The following ADGRV1 variants were observed in gnomAD, a reference collection of about 807,000 sequenced individuals.
ADGRV1 encodes adhesion G protein-coupled receptor V1.
Under a neutral mutation model 596.2 loss-of-function variants are expected in ADGRV1, and 359 were observed. That is an observed-to-expected ratio of 0.60 (90% CI 0.55 to 0.66). ADGRV1 has a LOEUF of 0.66. Among genes scored for constraint, ADGRV1 ranks in the 30% least tolerant of loss-of-function variants. The pLI is 0.00. For missense variants in ADGRV1, 7,274 were observed against 7,575.6 expected, an observed-to-expected ratio of 0.96 and a Z score of 1.48; for synonymous variants, 2,681 against 2,679.2, an observed-to-expected ratio of 1.00 and a Z score of -0.02.
rs1342647932 is a variant in ADGRV1, at chr5:90,975,910, A to T, written c.17974-9434A>T. ...TCTACTTTAAGAAAAATTGACAGTAAGAATTTAAAATCTTGCAGTATCTTT... is the reference window on the plus strand; with the variant it reads ...TCTACTTTAAGAAAAATTGACAGTATGAATTTAAAATCTTGCAGTATCTTT... On this transcript the variant is annotated intron_variant, in intron 84 of 89. Transcript: ENST00000405460. Among the ~76,000 whole-genome samples the T allele has an allele frequency of 3.3e-5, 5 of 152,210 alleles. No individual in the cohort carries two copies. In the East Asian group the frequency reaches 9.6e-4, roughly 29 times the overall value.
chr5:90,596,199 G>A (rs1251828292), intron 1 of ADGRV1, among the ~76,000 whole-genome samples: 2 of 148,652 alleles, frequency 1.3e-5, no homozygotes, highest in African/African-American at 2.5e-5. Flanking sequence ...ATGGGCGGCC[G>A]GGCAGAGACG....
At chr5:90,873,861 G>GT (rs1317056278) in intron 83 of ADGRV1, among the ~76,000 whole-genome samples, 1 of 151,368 alleles carries the variant, frequency 6.6e-6, no homozygotes, top group African/African-American at 2.4e-5. Flanking sequence ...TCTACTGTCT[G>GT]TTTTTTGGGT....
chr5:90,811,128 G>A lies in ADGRV1; in HGVS notation c.15868G>A (p.Glu5290Lys). 2.5e-6 allele frequency: 4 copies of A among 1,613,804 alleles called. No individual in the cohort carries two copies. The highest frequency in any genetic ancestry group is 3.4e-6 in the Non-Finnish European group (4 of 1,179,780). Residue 5290 changes from glutamate (E) to lysine (K), a missense_variant, in exon 74 of 90, where the codon GAA becomes AAA. This residue lies in a region of ADGRV1 where 1,874 missense variants were observed against 1,970.2 expected (regional missense o/e 0.95). Coordinates refer to ENST00000405460, the MANE Select transcript of ADGRV1 (RefSeq NM_032119.4). Reference protein sequence around the residue: ...YGISNLTWAVEEEDFEEQTLT... With the variant: ...YGISNLTWAVKEEDFEEQTLT... ...GATTTCCAACCTAACATGGGCAGTTGAAGAAGAAGACTTTGAAGAACAAAC... is the reference window on the plus strand; with the variant it reads ...GATTTCCAACCTAACATGGGCAGTTAAAGAAGAAGACTTTGAAGAACAAAC...
At position 90,791,227 on chromosome 5, in the gene ADGRV1, G is replaced by C. The variant is rs1315720520; in HGVS notation, c.14398G>C (p.Gly4800Arg). Reference sequence around the variant, plus strand: ...TGGAACATTTGGAGATGTGGCTGTTGGGCTTCGAATATCATCGGATCATAA... The same window carrying C: ...TGGAACATTTGGAGATGTGGCTGTTCGGCTTCGAATATCATCGGATCATAA... ...LAGTFGDVAV[G>R]LRISSDHKEQ... is the part of the protein sequence containing the mutation. Residue 4800 changes from glycine to arginine, a missense_variant, in exon 70 of 90, where the codon GGG becomes CGG. By Grantham distance (125) the Gly-to-Arg change is moderately radical (BLOSUM62 -2). Around this residue, in one of 5 missense-constraint regions of ADGRV1, gnomAD observed 1,874 missense variants for 1,970.2 expected, o/e 0.95. Transcript: ENST00000405460. 1.2e-6 allele frequency: 2 copies of C among 1,613,532 alleles called. No individual in the cohort carries two copies. The highest frequency in any genetic ancestry group is 2.7e-5 in the African/African-American group (2 of 75,014).
chr5:90,985,248 C>A, intron 84 of ADGRV1, 96 bp from the exon 85 acceptor site: 1 of 685,126 alleles, frequency 1.5e-6, no homozygotes, highest in South Asian at 4.1e-5. Context: ...TAGATCCTGG[C>A]CTTTTGTTGG....
chr5:90,818,225 T>A (rs1763106897), intron 75 of ADGRV1, among the ~76,000 whole-genome samples: 1 of 151,920 alleles, frequency 6.6e-6, no homozygotes, highest in East Asian at 1.9e-4. Flanking sequence ...TGTCTGTTGT[T>A]GGTGTGTAAG....
intron 28 of ADGRV1, 89 bp from the exon 29 acceptor site, chr5:90,685,691 G>A: frequency 1.4e-6 from 1 of 696,118 alleles, no homozygotes; most frequent in Non-Finnish European, 2.3e-6. Flanking sequence ...TTGGCTGATG[G>A]AATCTTGCTG....
Position 90,720,228 on chromosome 5 carries a change from A to G in ADGRV1, c.9623+5A>G. Reference sequence around the variant, plus strand: ...TATCTCTGCAGTTGAAAATAGGTATAGTTTATTCATAAGGAAATTATCACT... The same window carrying G: ...TATCTCTGCAGTTGAAAATAGGTATGGTTTATTCATAAGGAAATTATCACT... On this transcript the variant is annotated splice_donor_5th_base_variant and intron_variant, in intron 44 of 89. Coordinates refer to ENST00000405460, the MANE Select transcript of ADGRV1 (RefSeq NM_032119.4). 3 of 1,512,088 alleles carry G rather than the reference A, an allele frequency of 2.0e-6. No individual in the cohort carries two copies. Among genetic ancestry groups the G allele is most frequent in the Non-Finnish European group, 2.7e-6 (3 of 1,125,290 alleles). 93.7% of individuals were successfully genotyped at this position (1,512,088 alleles called of 1,614,324 possible). A position where few individuals can be genotyped will look rare whatever the true frequency, so the allele number is the denominator to read the frequency against.
Position 90,711,303 on chromosome 5 carries a change from A to G in ADGRV1, c.9023A>G (p.Asp3008Gly), listed in dbSNP as rs1018729209. Residue 3008 changes from aspartate to glycine, a missense_variant, in exon 41 of 90, where the codon GAT becomes GGT. Physicochemically the swap from Asp to Gly is moderately conservative, Grantham distance 94. This residue lies in a region of ADGRV1 where 3,643 missense variants were observed against 3,809.2 expected (regional missense o/e 0.96). Coordinates refer to ENST00000405460, the MANE Select transcript of ADGRV1 (RefSeq NM_032119.4). ...AATTTGGAAGCACAAGTGGGGCTGG[A>G]TTATATCTTCACCCCAATGGTGGGT... is the stretch of plus-strand genomic sequence containing the variant. ...AQNLEAQVGLDYIFTPMILHF... is the reference protein window; with the variant it reads ...AQNLEAQVGLGYIFTPMILHF... The G allele has an allele frequency of 6.2e-7, 1 of 1,610,880 alleles. No homozygotes were observed. Among genetic ancestry groups the G allele is most frequent in the Non-Finnish European group, 8.5e-7 (1 of 1,178,638 alleles).
intron 83 of ADGRV1, among the ~76,000 whole-genome samples, chr5:90,870,741 T>C (rs1768589730): frequency 6.6e-6 from 1 of 152,076 alleles, no homozygotes; most frequent in African/African-American, 2.4e-5. Flanking sequence ...TGATCATAGG[T>C]TTGCTGCAGG....
At position 90,840,689 on chromosome 5, in the gene ADGRV1, A is replaced by G. The variant is rs778120079; in HGVS notation, c.16723A>G (p.Thr5575Ala). 6.2e-7 allele frequency: 1 copy of G among 1,614,030 alleles called. No individual in the cohort carries two copies. The highest frequency in any genetic ancestry group is 1.7e-5 in the Admixed American group (1 of 60,020). Reference sequence around the variant, plus strand: ...GGTCTTTGAACCTGGCCAGAGAAGCACTGTATTGGATGTCATCCTAACGCC... The same window carrying G: ...GGTCTTTGAACCTGGCCAGAGAAGCGCTGTATTGGATGTCATCCTAACGCC... ...TLVFEPGQRS[T>A]VLDVILTPET... Residue 5575 changes from threonine (T) to alanine (A), a missense_variant, in exon 78 of 90, where the codon ACT becomes GCT. Thr to Ala is a moderately conservative substitution (Grantham distance 58). Around this residue, in one of 5 missense-constraint regions of ADGRV1, gnomAD observed 1,874 missense variants for 1,970.2 expected, o/e 0.95. Coordinates refer to ENST00000405460, the MANE Select transcript of ADGRV1 (RefSeq NM_032119.4).
intron 9 of ADGRV1, chr5:90,630,217 T>G (rs1765321941): frequency 6.6e-6 from 1 of 152,198 alleles, no homozygotes; most frequent in Non-Finnish European, 1.5e-5. Flanking sequence ...CAGGCTGGTC[T>G]TAAACTCCTG....
Position 90,807,708 on chromosome 5 carries a change from G to C in ADGRV1, c.14943G>C (p.Gln4981His), listed in dbSNP as rs200153555. ...EAFVLHLSGV[Q>H]SSAPGGAQLR... The stretch of plus-strand genomic sequence containing the variant: ...TTGTTCTTCACCTATCAGGAGTGCA[G>C]AGCAGTGCTCCTGGCGGAGCTCAAC... Residue 4981 changes from glutamine to histidine, a missense_variant, in exon 73 of 90, where the codon CAG (glutamine) becomes CAC (histidine). Physicochemically the swap from Gln to His is conservative, Grantham distance 24. Transcript: ENST00000405460. 3.3e-4 allele frequency: 528 copies of C among 1,587,746 alleles called. 2 individuals are homozygous for C. In the African/African-American group the frequency reaches 6.4e-3, roughly 19 times the overall value.
At chr5:90,976,682 T>A (rs922578310) in intron 84 of ADGRV1, among the ~76,000 whole-genome samples, 3 of 152,084 alleles carry the variant, frequency 2.0e-5, no homozygotes, top group African/African-American at 7.2e-5. Context: ...TATTCATATA[T>A]GATATAGGTA....
rs558843030 is a variant in ADGRV1, at chr5:90,684,082, G to T, written c.6161G>T (p.Ser2054Ile). 1.9e-6 allele frequency: 3 copies of T among 1,613,982 alleles called. No individual in the cohort carries two copies. Among genetic ancestry groups the T allele is most frequent in the Non-Finnish European group, 2.5e-6 (3 of 1,179,880 alleles). Residue 2054 changes from serine (S) to isoleucine (I), a missense_variant, in exon 28 of 90, where the codon AGT (serine) becomes ATT (isoleucine). By Grantham distance (142) the Ser-to-Ile change is moderately radical (BLOSUM62 -2). Coordinates refer to ENST00000405460, the MANE Select transcript of ADGRV1 (RefSeq NM_032119.4). ...TTTGCTCTTTTTGGAGCTAATCAGA[G>T]TGAGGCAACAATAGCTATTTCAATT... Reference protein sequence around the residue: ...SGFALFGANQSEATIAISILD... With the variant: ...SGFALFGANQIEATIAISILD...
chr5:90,703,661 G>A lies in ADGRV1; in HGVS notation c.8156-4G>A, dbSNP rs1228094810. 3 of 1,589,472 alleles carry A rather than the reference G, an allele frequency of 1.9e-6. No individual in the cohort carries two copies. The highest frequency in any genetic ancestry group is 2.6e-6 in the Non-Finnish European group (3 of 1,163,596). Reference sequence around the variant, plus strand: ...ATTTATCAATTTACACATTTTACTTGCAGGAGAAATTTTACAATTCCATGT... The same window carrying A: ...ATTTATCAATTTACACATTTTACTTACAGGAGAAATTTTACAATTCCATGT... On this transcript the variant is annotated splice_region_variant and splice_polypyrimidine_tract_variant and intron_variant, in intron 34 of 89. Transcript: ENST00000405460.
At chr5:90,691,209 G>A in intron 31 of ADGRV1, 168 bp downstream of exon 31, 1 of 874,126 alleles carries the variant, frequency 1.1e-6, no homozygotes, top group Non-Finnish European at 1.9e-6. Flanking sequence ...GACAAAAGCA[G>A]GAATATTCTA....
intron 83 of ADGRV1, among the ~76,000 whole-genome samples, chr5:90,949,186 T>C (rs1007027903): frequency 3.3e-5 from 5 of 152,142 alleles, no homozygotes; most frequent in Admixed American, 3.3e-4. Context: ...AAATTAATGA[T>C]GATGATGCAA....
chr5:90,770,608 A>G (rs189603222), intron 59 of ADGRV1, among the ~76,000 whole-genome samples: 265 of 152,284 alleles, frequency 1.7e-3, no homozygotes, highest in African/African-American at 6.2e-3. Flanking sequence ...AACTCATGCA[A>G]CCAGTCTCTG....
Sources: gnomAD v4.1 joint callset for allele counts (sites outside exome capture counted in the v4.1 genomes callset) on GRCh38, gnomAD v4.1.1 for gene constraint, gnomAD v4.1.1 regional missense constraint, MANE v1.5 for transcripts, NCBI Gene and HGNC (gene_info 2026-07-23, HGNC 2026-07-21) for gene names.